COG3: variants seen among roughly 807,000 people sequenced by gnomAD.
The protein encoded by COG3 is conserved oligomeric Golgi complex subunit 3.
COG3 carries 32 observed loss-of-function variants against 114.1 expected under a neutral mutation model. The ratio of observed to expected loss-of-function variants is 0.28; its 90% confidence interval spans 0.21 to 0.38. The LOEUF (loss-of-function observed/expected upper bound fraction) is 0.38. Ranked by LOEUF, COG3 falls within the 10% of genes least tolerant of loss-of-function variation. COG3 has a pLI of 1.00. For synonymous variants in COG3, 352 were observed against 365.7 expected, an observed-to-expected ratio of 0.96 and a Z score of 0.43; for missense variants, 813 against 973.2, an observed-to-expected ratio of 0.84 and a Z score of 2.19.
intron 20 of COG3, among the ~76,000 whole-genome samples, chr13:45,528,710 C>G (rs1872907131): frequency 6.6e-6 from 1 of 152,096 alleles, no homozygotes; most frequent in Non-Finnish European, 1.5e-5. Flanking sequence ...ATCTTAGAGG[C>G]CTTTCTGTAT....
In COG3 at chr13:45,480,239, C is replaced by G; in HGVS notation, c.498C>G (p.Ser166=). ...ESLQKQYLFV[S]NKTGTLHEAC... ...TGCAGAAACAGTATCTTTTTGTGTC[C>G]AATAAGACAGGAACCCTACATGAAG... The change falls in exon 4 of 23, where the codon TCC becomes TCG. Residue 166 remains serine, a synonymous_variant. Coordinates refer to ENST00000349995, the MANE Select transcript of COG3 (RefSeq NM_031431.4). The G allele has an allele frequency of 6.2e-7, 1 of 1,613,546 alleles. No individual in the cohort carries two copies. Among genetic ancestry groups the G allele is most frequent in the Non-Finnish European group, 8.5e-7 (1 of 1,179,676 alleles).
intron 8 of COG3, among the ~76,000 whole-genome samples, chr13:45,487,279 A>G (rs541606435): frequency 6.6e-6 from 1 of 152,224 alleles, no homozygotes; most frequent in Non-Finnish European, 1.5e-5. Flanking sequence ...ATCTGAAACT[A>G]TAAAACTACT....
At chr13:45,515,774 G>A (rs567020606) in intron 16 of COG3, among the ~76,000 whole-genome samples, 2 of 152,320 alleles carry the variant, frequency 1.3e-5, no homozygotes, top group African/African-American at 4.8e-5. Flanking sequence ...GCCAGGTCAG[G>A]ATCCTGCTTG....
chr13:45,524,480 T>C (rs900224396), intron 19 of COG3, among the ~76,000 whole-genome samples: 3 of 152,238 alleles, frequency 2.0e-5, no homozygotes, highest in Non-Finnish European at 2.9e-5. Flanking sequence ...TTTGATGGTA[T>C]TTGAAAATCT....
chr13:45,486,345 A>ACGGGAGACGGGAGAC (rs1253126796), intron 7 of COG3, 150 bp from the exon 8 acceptor site: 2 of 539,688 alleles, frequency 3.7e-6, no homozygotes, highest in African/African-American at 3.3e-5. Context: ...GAGACGGGAG[A>ACGGGAGACGGGAGAC]GGGAGAGGGA....
intron 21 of COG3, 50 bp downstream of exon 21, chr13:45,529,968 C>T: frequency 1.9e-6 from 3 of 1,557,964 alleles, no homozygotes; most frequent in Non-Finnish European, 2.6e-6. Flanking sequence ...TTCAAGTATT[C>T]TTTGCCTCAT....
Position 45,482,374 on chromosome 13 carries a change from C to G in COG3, c.625-7C>G, listed in dbSNP as rs752686347. On this transcript the variant is annotated splice_polypyrimidine_tract_variant and splice_region_variant and intron_variant, in intron 5 of 22. Transcript: ENST00000349995. ...TGAATTAAGATTGTTTTCTTTTTCT[C>G]TTAAAGAAATTGAATTCCCCTACAT... The G allele has an allele frequency of 7.7e-6, 11 of 1,422,998 alleles. No individual in the cohort carries two copies. The highest frequency in any genetic ancestry group is 1.1e-5 in the Non-Finnish European group (11 of 1,026,570). 88.1% of individuals were successfully genotyped at this position (1,422,998 alleles called of 1,614,324 possible).
intron 15 of COG3, 26 bp from the exon 16 acceptor site, chr13:45,511,739 C>T (rs754163529): frequency 4.5e-6 from 7 of 1,570,884 alleles, no homozygotes; most frequent in African/African-American, 4.1e-5. Context: ...ATGCCACAGG[C>T]TGATTATTCT....
chr13:45,520,775 A>T (rs1872049624), intron 19 of COG3, among the ~76,000 whole-genome samples: 1 of 152,172 alleles, frequency 6.6e-6, no homozygotes, highest in African/African-American at 2.4e-5. Context: ...TTGATTTTTT[A>T]AAAAAGGTTT....
intron 7 of COG3, 21 bp from the exon 8 acceptor site, chr13:45,486,474 T>C: frequency 6.9e-7 from 1 of 1,440,680 alleles, no homozygotes; most frequent in Non-Finnish European, 9.8e-7. Flanking sequence ...TCCTTCCTTA[T>C]CCTCCCCCAT....
At chr13:45,486,324 ACGGGAGACGGGAGAC>A (rs878929762) in intron 7 of COG3, among the ~76,000 whole-genome samples, 156 bp from the exon 8 acceptor site, 7,657 of 42,304 alleles carry the variant, frequency 0.18, 552 homozygotes, top group East Asian at 0.27. Context: ...GAGACGGGAG[ACGGGAGACGGGAGAC>A]GGGAGAGGGA....
chr13:45,476,417 C>A, intron 2 of COG3, 70 bp downstream of exon 2: 2 of 1,459,490 alleles, frequency 1.4e-6, no homozygotes, highest in East Asian at 2.3e-5. Context: ...TAATAAAGTC[C>A]TAATTAAAAG....
rs751468500 is a variant in COG3 at position 45,483,253 on chromosome 13, A to G, written c.741A>G (p.Ile247Met). 5.1e-6 allele frequency: 8 copies of G among 1,581,328 alleles called. No homozygotes were observed. The highest frequency in any genetic ancestry group is 2.2e-5 in the East Asian group (1 of 44,636). Residue 247 changes from isoleucine to methionine, a missense_variant, in exon 7 of 23, where the codon ATA becomes ATG. Physicochemically the swap from Ile to Met is conservative, Grantham distance 10. Transcript: ENST00000349995. Reference sequence around the variant, plus strand: ...AGCCTAATTTTAAAGATTATCCCATATATTTGCTGAAGTTTAAACAGTGTC... The same window carrying G: ...AGCCTAATTTTAAAGATTATCCCATGTATTTGCTGAAGTTTAAACAGTGTC... The part of the protein sequence containing the change: ...SSHPNFKDYP[I>M]YLLKFKQCLS...
intron 12 of COG3, among the ~76,000 whole-genome samples, chr13:45,494,153 C>T (rs1296587362): frequency 1.3e-5 from 2 of 151,828 alleles, no homozygotes; most frequent in Non-Finnish European, 2.9e-5. Context: ...GGTGAAACCC[C>T]GTCTCTACTA....
chr13:45,509,944 C>A, intron 15 of COG3, 128 bp downstream of exon 15: 1 of 975,248 alleles, frequency 1.0e-6, no homozygotes, highest in Non-Finnish European at 1.5e-6. Context: ...ATGGAAGTAA[C>A]TTGAGGTCAA....
intron 17 of COG3, among the ~76,000 whole-genome samples, 175 bp from the exon 18 acceptor site, chr13:45,518,587 C>T (rs981052278): frequency 6.6e-6 from 1 of 152,182 alleles, no homozygotes. Flanking sequence ...GAAAATAACT[C>T]TGTGAGTACT....
At chr13:45,474,842 T>A (rs1885757109) in intron 1 of COG3, among the ~76,000 whole-genome samples, 2 of 152,184 alleles carry the variant, frequency 1.3e-5, no homozygotes, top group South Asian at 4.1e-4. Flanking sequence ...ACCTTAAATG[T>A]CATAAACTAA....
chr13:45,483,189 T>C, intron 6 of COG3, 41 bp from the exon 7 acceptor site: 1 of 1,513,228 alleles, frequency 6.6e-7, no homozygotes, highest in South Asian at 1.2e-5. Flanking sequence ...TTTTTATCTG[T>C]GTTCATTTCC....
Position 45,486,552 on chromosome 13 carries a change from C to T in COG3, c.901C>T (p.Arg301Ter), listed in dbSNP as rs748962226. The T allele has an allele frequency of 6.2e-7, 1 of 1,608,910 alleles. No homozygotes were observed. Among genetic ancestry groups the T allele is most frequent in the Admixed American group, 1.7e-5 (1 of 60,020 alleles). Reference protein sequence around the residue: ...NAFTLFYVKFRAAAPKVRTLI... With the variant: ...NAFTLFYVKF ...CTTCACATTATTTTATGTGAAATTT[C>T]GAGCTGCTGCCCCCAAAGTCAGAGT... is the stretch of plus-strand genomic sequence containing the variant. Residue 301 changes from arginine to a stop codon, truncating the protein, a stop_gained, in exon 8 of 23, where the codon CGA becomes TGA. Coordinates refer to ENST00000349995, the MANE Select transcript of COG3 (RefSeq NM_031431.4). LOFTEE classifies it high-confidence loss of function.
Sources: gnomAD v4.1 joint callset for allele counts (sites outside exome capture counted in the v4.1 genomes callset) on GRCh38, gnomAD v4.1.1 for gene constraint, MANE v1.5 for transcripts, NCBI Gene and HGNC (gene_info 2026-07-23, HGNC 2026-07-21) for gene names.